Variants in ZNF423 observed in about 807,000 individuals in gnomAD.
ZNF423 encodes Ebf-associated zinc finger protein.
ZNF423 carries 12 observed loss-of-function variants against 95.8 expected under a neutral mutation model. The observed-to-expected ratio is 0.13, with a 90% CI of 0.08 to 0.20. ZNF423 has a LOEUF of 0.20. Ranked by LOEUF, ZNF423 falls within the 10% of genes least tolerant of loss-of-function variation. The pLI, the probability that ZNF423 is intolerant of heterozygous loss-of-function variation, is 1.00. For missense variants in ZNF423, 1,316 were observed against 1,737.1 expected (o/e 0.76, Z 4.31); for synonymous variants, 749 against 711.9 (o/e 1.05, Z -0.83).
At chr16:49,706,885 C>T (rs1226725466) in intron 3 of ZNF423, among the ~76,000 whole-genome samples, 1 of 152,128 alleles carries the variant, frequency 6.6e-6, no homozygotes, top group Non-Finnish European at 1.5e-5. Context: ...GCAGGTGGTC[C>T]CAGGACCCAT....
intron 3 of ZNF423, among the ~76,000 whole-genome samples, chr16:49,678,223 G>A (rs2031201589): frequency 6.6e-6 from 1 of 150,584 alleles, no homozygotes; most frequent in African/African-American, 2.5e-5. Flanking sequence ...GAATGTATGT[G>A]TTTTATTTTT....
At chr16:49,511,484 T>C (rs1310652300) in intron 7 of ZNF423, among the ~76,000 whole-genome samples, 1 of 152,200 alleles carries the variant, frequency 6.6e-6, no homozygotes, top group East Asian at 1.9e-4. Context: ...GGAGCCTCAG[T>C]TTACCCATCT....
rs1966918087 is a variant in ZNF423 at position 49,490,586 on chromosome 16, G to C, written c.*689C>G. ...CCACGCGGCCCTAGGCTGGGGAGGA[G>C]AGAACCAGGCAGCCGGATGCTAATC... On this transcript the variant is annotated 3_prime_UTR_variant, in exon 8 of 8. Coordinates refer to ENST00000563137, the MANE Select transcript of ZNF423 (RefSeq NM_001379286.1). 2 of 152,702 alleles carry C rather than the reference G, an allele frequency of 1.3e-5. No individual in the cohort carries two copies. The highest frequency in any genetic ancestry group is 4.8e-5 in the African/African-American group (2 of 41,458). The allele number at this position is 152,702 out of a possible 1,614,324, so 9.5% of individuals were successfully genotyped here.
intron 1 of ZNF423, among the ~76,000 whole-genome samples, chr16:49,798,102 C>T (rs1410619593): frequency 6.6e-6 from 1 of 152,124 alleles, no homozygotes; most frequent in Admixed American, 6.5e-5. Context: ...CCCAGCAACT[C>T]GGGAGGCTGA....
chr16:49,654,499 C>T (rs1206113761), intron 3 of ZNF423, among the ~76,000 whole-genome samples: 1 of 152,244 alleles, frequency 6.6e-6, no homozygotes, highest in Non-Finnish European at 1.5e-5. Flanking sequence ...GGAGCTTTCC[C>T]TTAGCCAAGG....
At chr16:49,786,188 C>T (rs771014771) in intron 2 of ZNF423, among the ~76,000 whole-genome samples, 2 of 152,242 alleles carry the variant, frequency 1.3e-5, no homozygotes, top group East Asian at 1.9e-4. Context: ...CTGATCATTT[C>T]GCTCCTTTCC....
chr16:49,824,183 A>T (rs1035232694), intron 1 of ZNF423, among the ~76,000 whole-genome samples: 2 of 152,126 alleles, frequency 1.3e-5, no homozygotes, highest in Non-Finnish European at 2.9e-5. Context: ...ATTCCCTATC[A>T]TGCTTCTAAG....
chr16:49,735,107 T>A (rs2033254523), intron 2 of ZNF423, among the ~76,000 whole-genome samples: 1 of 152,180 alleles, frequency 6.6e-6, no homozygotes, highest in African/African-American at 2.4e-5. Context: ...TGTAGGGTCC[T>A]GGTCACAGCC....
At position 49,626,273 on chromosome 16, in the gene ZNF423, T is replaced by C. The variant is rs1370236020; in HGVS notation, c.3517-19A>G. 4.3e-6 allele frequency: 7 copies of C among 1,612,402 alleles called. No homozygotes were observed. Among genetic ancestry groups the C allele is most frequent in the Non-Finnish European group, 5.9e-6 (7 of 1,178,884 alleles). On this transcript the variant is annotated intron_variant, in intron 4 of 7. Transcript: ENST00000563137. ...TCTTTTTCTGTTTGGAAACCAAAAA[T>C]AAAAGATTTAGAGAGGCAGGAGGTA...
chr16:49,687,285 C>A (rs1303259923), intron 3 of ZNF423, among the ~76,000 whole-genome samples: 1 of 151,772 alleles, frequency 6.6e-6, no homozygotes, highest in African/African-American at 2.4e-5. Context: ...AGGAAAAACT[C>A]CCTCCAGGTT....
chr16:49,531,131 C>T (rs1182763732), intron 5 of ZNF423, among the ~76,000 whole-genome samples: 1 of 152,144 alleles, frequency 6.6e-6, no homozygotes, highest in Admixed American at 6.5e-5. Flanking sequence ...GTCCAGGCTG[C>T]ACCTCCTCTC....
intron 7 of ZNF423, among the ~76,000 whole-genome samples, chr16:49,521,920 C>T (rs947941813): frequency 6.6e-6 from 1 of 152,242 alleles, no homozygotes; most frequent in Admixed American, 6.5e-5. Flanking sequence ...CCACCACCAG[C>T]TGTGCAGACA....
At chr16:49,850,907 A>G (rs2035295373) in intron 1 of ZNF423, among the ~76,000 whole-genome samples, 2 of 152,156 alleles carry the variant, frequency 1.3e-5, no homozygotes, top group Non-Finnish European at 2.9e-5. Context: ...CATCCAGTCC[A>G]GGCTTGACAG....
chr16:49,821,272 C>T (rs1244872938), intron 1 of ZNF423, among the ~76,000 whole-genome samples: 9 of 69,374 alleles, frequency 1.3e-4, no homozygotes, highest in Admixed American at 9.9e-4. Context: ...GGGGCAGGGG[C>T]GGGGGGCGAT....
At chr16:49,814,007 G>A (rs1370528777) in intron 1 of ZNF423, among the ~76,000 whole-genome samples, 2 of 152,248 alleles carry the variant, frequency 1.3e-5, no homozygotes, top group Non-Finnish European at 2.9e-5. Context: ...GACGTTAGCA[G>A]GATTTGCCGA....
At chr16:49,702,936 C>CAT (rs1787465497) in intron 3 of ZNF423, among the ~76,000 whole-genome samples, 3 of 146,170 alleles carry the variant, frequency 2.1e-5, no homozygotes, top group African/African-American at 7.4e-5. Context: ...CACACACACA[C>CAT]ACACACACAC....
intron 7 of ZNF423, among the ~76,000 whole-genome samples, chr16:49,510,559 C>T (rs1967845853): frequency 6.6e-6 from 1 of 152,150 alleles, no homozygotes; most frequent in African/African-American, 2.4e-5. Flanking sequence ...TGAGACTCCC[C>T]ATGTGGGCAG....
chr16:49,737,413 G>A (rs2033313178), intron 2 of ZNF423, among the ~76,000 whole-genome samples: 1 of 152,192 alleles, frequency 6.6e-6, no homozygotes, highest in South Asian at 2.1e-4. Flanking sequence ...GGGATTACAG[G>A]CAAGCACCAT....
chr16:49,612,318 G>T (rs190486438), intron 5 of ZNF423, among the ~76,000 whole-genome samples: 2 of 151,124 alleles, frequency 1.3e-5, no homozygotes, highest in African/African-American at 4.9e-5. Context: ...TATCAAGGAT[G>T]CAAGGCTTAC....
Sources: allele counts gnomAD v4.1 joint callset (sites outside exome capture counted in the v4.1 genomes callset), GRCh38; gene constraint gnomAD v4.1.1; transcripts MANE v1.5; gene names NCBI Gene and HGNC (gene_info 2026-07-23, HGNC 2026-07-21).